The following FCHO2 variants were observed in gnomAD, a reference collection of about 807,000 sequenced individuals.
FCHO2 encodes the protein F-BAR domain only protein 2.
FCHO2 carries 43 observed loss-of-function variants against 114.1 expected under a neutral mutation model. The ratio of observed to expected loss-of-function variants is 0.38; its 90% confidence interval spans 0.30 to 0.49. The LOEUF (loss-of-function observed/expected upper bound fraction) is 0.49. Among genes scored for constraint, FCHO2 ranks in the 20% least tolerant of loss-of-function variants. The pLI is 0.97. For synonymous variants in FCHO2, 293 were observed against 315.2 expected (o/e 0.93, Z 0.75); for missense variants, 807 against 950.4 (o/e 0.85, Z 1.98).
chr5:73,037,712 T>C, intron 10 of FCHO2: 1 of 374,146 alleles, frequency 2.7e-6, no homozygotes, highest in Non-Finnish European at 5.1e-6. Context: ...TACTAGGTCA[T>C]CATTTTTAGA....
chr5:73,060,131 T>C (rs923007184), intron 17 of FCHO2, among the ~76,000 whole-genome samples: 1 of 151,952 alleles, frequency 6.6e-6, no homozygotes, highest in Non-Finnish European at 1.5e-5. Context: ...GTCTAAAGAG[T>C]GTTTGGCTCA....
chr5:73,024,315 G>C (rs759458530), intron 8 of FCHO2, among the ~76,000 whole-genome samples: 6 of 152,162 alleles, frequency 3.9e-5, no homozygotes, highest in Non-Finnish European at 7.4e-5. Flanking sequence ...TTCTGTCTCA[G>C]CCTCCTGAAG....
At chr5:73,068,225 A>AT (rs1742455750) in intron 18 of FCHO2, among the ~76,000 whole-genome samples, 3 of 152,212 alleles carry the variant, frequency 2.0e-5, no homozygotes, top group African/African-American at 7.2e-5. Context: ...GCTAGAAAAA[A>AT]TTTTTAATCC....
At chr5:73,062,803 T>G (rs1259348035) in intron 17 of FCHO2, among the ~76,000 whole-genome samples, 1 of 152,078 alleles carries the variant, frequency 6.6e-6, no homozygotes, top group Non-Finnish European at 1.5e-5. Context: ...TCATGCCTCC[T>G]TGATTCCTCC....
chr5:72,983,414 G>T (rs1753337493), intron 2 of FCHO2, among the ~76,000 whole-genome samples: 1 of 151,008 alleles, frequency 6.6e-6, no homozygotes, highest in South Asian at 2.1e-4. Context: ...ACAGTGTCTT[G>T]TTCTGTCACT....
At chr5:72,960,102 A>G (rs1242992429) in intron 1 of FCHO2, among the ~76,000 whole-genome samples, 4 of 152,204 alleles carry the variant, frequency 2.6e-5, no homozygotes, top group African/African-American at 9.6e-5. Context: ...TTCTAATCAA[A>G]CAACCTATTA....
At chr5:73,039,766 A>G (rs1194197799) in intron 10 of FCHO2, among the ~76,000 whole-genome samples, 3 of 151,958 alleles carry the variant, frequency 2.0e-5, no homozygotes, top group African/African-American at 7.2e-5. Flanking sequence ...TATCTCTACT[A>G]AAAATACAAA....
At chr5:73,020,154 C>G (rs920676964) in intron 8 of FCHO2, among the ~76,000 whole-genome samples, 1 of 152,194 alleles carries the variant, frequency 6.6e-6, no homozygotes, top group South Asian at 2.1e-4. Context: ...CCTGTCAAGT[C>G]AGGAATACAT....
At chr5:73,068,938 T>C (rs1419937657) in intron 19 of FCHO2, among the ~76,000 whole-genome samples, 159 bp downstream of exon 19, 3 of 152,144 alleles carry the variant, frequency 2.0e-5, no homozygotes, top group Non-Finnish European at 4.4e-5. Flanking sequence ...CATGCTTTGC[T>C]TTTCTGTTTC....
At position 72,990,592 on chromosome 5, in the gene FCHO2, A is replaced by AG; in HGVS notation, c.316dup (p.Glu106GlyfsTer8). On this transcript the variant is annotated frameshift_variant, in exon 4 of 26. Transcript: ENST00000430046. LOFTEE classifies it high-confidence loss of function. The stretch of plus-strand genomic sequence containing the variant: ...TAATAAAGGAAGTTCAGAAGTATGG[A>AG]GAAGAACAAGTAAAGTCTCATAAAA... 6.5e-7 allele frequency: 1 copy of AG among 1,533,934 alleles called. No individual in the cohort carries two copies. The highest frequency in any genetic ancestry group is 8.7e-7 in the Non-Finnish European group (1 of 1,145,006).
chr5:73,068,582 C>T, intron 18 of FCHO2, 68 bp from the exon 19 acceptor site: 5 of 1,541,796 alleles, frequency 3.2e-6, no homozygotes, highest in Non-Finnish European at 3.5e-6. Context: ...TTACCTCATA[C>T]TTAAAAATCT....
In FCHO2 at chr5:73,063,844, G is replaced by A. The variant is rs199637246; in HGVS notation, c.1349G>A (p.Arg450Lys). 76 of 1,611,218 alleles carry A rather than the reference G, an allele frequency of 4.7e-5. No homozygotes were observed. The highest frequency in any genetic ancestry group is 4.2e-4 in the Admixed American group (25 of 59,700). ...SSSLTSSSSA[R>K]PTTPLSVGTI... ...TTCTCTTTTCCCCCTCAACCAGCCA[G>A]GCCCACAACTCCTCTTTCTGTAGGC... Residue 450 changes from arginine to lysine, a missense_variant, in exon 18 of 26, where the codon AGG becomes AAG. By Grantham distance (26) the Arg-to-Lys change is conservative. Transcript: ENST00000430046.
chr5:72,980,839 T>C (rs1753166958), intron 2 of FCHO2, among the ~76,000 whole-genome samples: 1 of 152,154 alleles, frequency 6.6e-6, no homozygotes, highest in African/African-American at 2.4e-5. Context: ...ATGTGTGTCT[T>C]TGCATGTGAG....
intron 5 of FCHO2, among the ~76,000 whole-genome samples, chr5:72,994,449 G>A (rs547128995): frequency 1.3e-5 from 2 of 152,314 alleles, no homozygotes; most frequent in South Asian, 4.1e-4. Flanking sequence ...TCTCACACTA[G>A]TCAGAATGAC....
intron 2 of FCHO2, among the ~76,000 whole-genome samples, chr5:72,975,434 C>T (rs1752807390): frequency 6.6e-6 from 1 of 152,152 alleles, no homozygotes; most frequent in African/African-American, 2.4e-5. Flanking sequence ...TCAAGCGATT[C>T]TTGTGCCTCA....
In FCHO2 at chr5:73,048,335, A is replaced by C. The variant is rs567831750; in HGVS notation, c.940-3014A>C. Among the ~76,000 whole-genome samples, 22 of 152,146 alleles carry C rather than the reference A, an allele frequency of 1.4e-4. No individual in the cohort carries two copies. In the East Asian group the frequency reaches 3.1e-3, roughly 21 times the overall value. On this transcript the variant is annotated intron_variant, in intron 11 of 25. Coordinates refer to ENST00000430046, the MANE Select transcript of FCHO2 (RefSeq NM_138782.3). Reference sequence around the variant, plus strand: ...TGTGGTGGTAGGCGCCTGTAATCCCAGCTGTTAGGGAGGCTGAGGAAGGAG... The same window carrying C: ...TGTGGTGGTAGGCGCCTGTAATCCCCGCTGTTAGGGAGGCTGAGGAAGGAG...
At chr5:73,066,063 A>T (rs1175882143) in intron 18 of FCHO2, among the ~76,000 whole-genome samples, 1 of 151,984 alleles carries the variant, frequency 6.6e-6, no homozygotes, top group African/African-American at 2.4e-5. Context: ...TGCTGAATGA[A>T]TTATTCTTAT....
chr5:72,982,015 G>T (rs1753238356), intron 2 of FCHO2, among the ~76,000 whole-genome samples: 1 of 152,088 alleles, frequency 6.6e-6, no homozygotes, highest in Non-Finnish European at 1.5e-5. Context: ...GGTCCTTTGT[G>T]CTTGAAACCC....
chr5:73,001,448 C>CA lies in FCHO2; in HGVS notation c.496-4974dup, dbSNP rs1215202339. Among the ~76,000 whole-genome samples the CA allele has an allele frequency of 8.7e-3, 561 of 64,668 alleles. 7 individuals are homozygous for CA. Among genetic ancestry groups the CA allele is most frequent in the Non-Finnish European group, 9.8e-3 (342 of 34,932 alleles). 42.4% of individuals were successfully genotyped at this position (64,668 alleles called of 152,430 possible). The stretch of plus-strand genomic sequence containing the variant: ...CAGATGACAGAGCGAGATCCTGTCT[C>CA]AAAAAAAAAAAAAAAAAAAAAAAGA... On this transcript the variant is annotated intron_variant, in intron 5 of 25. Coordinates refer to ENST00000430046, the MANE Select transcript of FCHO2 (RefSeq NM_138782.3).
Sources: allele counts gnomAD v4.1 joint callset (sites outside exome capture counted in the v4.1 genomes callset), GRCh38; gene constraint gnomAD v4.1.1; transcripts MANE v1.5; gene names NCBI Gene and HGNC (gene_info 2026-07-23, HGNC 2026-07-21).